TAFA1: variants seen among roughly 807,000 people sequenced by gnomAD.
TAFA1 encodes TAFA chemokine like family member 1, also known as chemokine-like protein TAFA-1.
TAFA1 carries 4 observed loss-of-function variants against 18.5 expected under a neutral mutation model. The observed-to-expected ratio is 0.22, with a 90% confidence interval of 0.11 to 0.49. TAFA1 has a LOEUF of 0.49. Among genes scored for constraint, TAFA1 ranks in the 20% least tolerant of loss-of-function variants. The pLI, the probability that TAFA1 is intolerant of heterozygous loss-of-function variation, is 0.98. For synonymous variants in TAFA1, 56 were observed against 55.2 expected (o/e 1.01, Z -0.06); for missense variants, 147 against 169.0 (o/e 0.87, Z 0.72).
chr3:68,515,107 G>C (rs1348785196), intron 3 of TAFA1, among the ~76,000 whole-genome samples: 1 of 152,172 alleles, frequency 6.6e-6, no homozygotes, highest in African/African-American at 2.4e-5. Context: ...GCTGGGATCA[G>C]CTGGGATGAT....
In TAFA1 at chr3:68,182,547, T is replaced by C. The variant is rs1429930691; in HGVS notation, c.118+175803T>C. On this transcript the variant is annotated intron_variant, in intron 2 of 4. Transcript: ENST00000478136. Reference sequence around the variant, plus strand: ...CAGGTTATTGCTTCAATTGGTACTGTTGTTATTACTAATTTATCTGATCCT... The same window carrying C: ...CAGGTTATTGCTTCAATTGGTACTGCTGTTATTACTAATTTATCTGATCCT... Among the ~76,000 whole-genome samples the C allele has an allele frequency of 2.0e-5, 3 of 152,196 alleles. No individual in the cohort carries two copies. The South Asian group carries it at 6.2e-4, about 31-fold the overall frequency.
intron 2 of TAFA1, among the ~76,000 whole-genome samples, chr3:68,408,847 G>C (rs1487304883): frequency 2.6e-5 from 4 of 152,124 alleles, no homozygotes; most frequent in Non-Finnish European, 5.9e-5. Context: ...ACATATAATG[G>C]GGGTCAAAAG....
rs80344341 is a variant in TAFA1 at position 68,253,848 on chromosome 3, G to A, written c.119-163432G>A. Among the ~76,000 whole-genome samples the A allele has an allele frequency of 5.6e-3, 848 of 152,208 alleles. 42 individuals are homozygous for A. In the East Asian group the frequency reaches 0.11, roughly 20 times the overall value. ...GTTCTGGAGTTGAAACAGGTTTTGT[G>A]CCCCTTCTAATACAGGTTAATGCAG... On this transcript the variant is annotated intron_variant, in intron 2 of 4. Transcript: ENST00000478136.
intron 2 of TAFA1, among the ~76,000 whole-genome samples, chr3:68,063,959 C>T (rs187372789): frequency 6.5e-4 from 99 of 152,228 alleles, no homozygotes; most frequent in Non-Finnish European, 1.2e-3. Flanking sequence ...GATTTCCTAC[C>T]CCCAGGTAGG....
chr3:68,332,242 G>T (rs936522982), intron 2 of TAFA1, among the ~76,000 whole-genome samples: 26 of 151,768 alleles, frequency 1.7e-4, no homozygotes, highest in African/African-American at 6.1e-4. Flanking sequence ...AAAAGAAATT[G>T]GATCCATACA....
chr3:68,052,562 C>G (rs1332823209), intron 2 of TAFA1, among the ~76,000 whole-genome samples: 1 of 152,196 alleles, frequency 6.6e-6, no homozygotes, highest in Admixed American at 6.5e-5. Flanking sequence ...TACACTCTTA[C>G]TTGGCATTTC....
intron 2 of TAFA1, among the ~76,000 whole-genome samples, chr3:68,227,828 A>G (rs2066821702): frequency 6.6e-6 from 1 of 152,180 alleles, no homozygotes; most frequent in South Asian, 2.1e-4. Context: ...TCATTTTATT[A>G]AAATGATTTT....
chr3:68,449,486 T>C (rs1490410791), intron 3 of TAFA1, among the ~76,000 whole-genome samples: 1 of 152,220 alleles, frequency 6.6e-6, no homozygotes, highest in Non-Finnish European at 1.5e-5. Context: ...ACTTATGTTT[T>C]AGAAAGAAAT....
At chr3:68,387,058 T>C (rs2106695613) in intron 2 of TAFA1, among the ~76,000 whole-genome samples, 1 of 151,278 alleles carries the variant, frequency 6.6e-6, no homozygotes, top group South Asian at 2.1e-4. Context: ...TGCCTAATTT[T>C]ATTTTTTTTT....
chr3:68,384,216 G>C (rs185633598), intron 2 of TAFA1, among the ~76,000 whole-genome samples: 516 of 151,998 alleles, frequency 3.4e-3, no homozygotes, highest in Non-Finnish European at 5.5e-3. Context: ...CTTGTCTTCT[G>C]CTAGCTCTGG....
intron 3 of TAFA1, among the ~76,000 whole-genome samples, chr3:68,503,487 T>C (rs1311079879): frequency 1.3e-5 from 2 of 152,076 alleles, no homozygotes; most frequent in Non-Finnish European, 2.9e-5. Context: ...GGTAAATCCA[T>C]AGAGATAGAA....
chr3:68,183,946 C>T (rs999286862), intron 2 of TAFA1, among the ~76,000 whole-genome samples: 1 of 152,166 alleles, frequency 6.6e-6, no homozygotes, highest in Non-Finnish European at 1.5e-5. Flanking sequence ...TAACCTTGGT[C>T]TTCTGTAATG....
chr3:68,200,381 C>T (rs892379292), intron 2 of TAFA1, among the ~76,000 whole-genome samples: 4 of 151,506 alleles, frequency 2.6e-5, no homozygotes, highest in Admixed American at 6.6e-5. Context: ...CAGCTTTTGT[C>T]TTCTAAAAGA....
chr3:68,491,429 T>A (rs1429473330), intron 3 of TAFA1, among the ~76,000 whole-genome samples: 1 of 150,996 alleles, frequency 6.6e-6, no homozygotes, highest in Non-Finnish European at 1.5e-5. Flanking sequence ...CTCAGTAAAC[T>A]ATCGCCAAGA....
intron 3 of TAFA1, among the ~76,000 whole-genome samples, chr3:68,443,995 C>A (rs1326611115): frequency 6.6e-6 from 1 of 152,164 alleles, no homozygotes; most frequent in African/African-American, 2.4e-5. Context: ...AAAGTGAGAT[C>A]CTGCCAGGCA....
intron 2 of TAFA1, among the ~76,000 whole-genome samples, chr3:68,088,193 C>T (rs1475133370): frequency 3.3e-5 from 5 of 152,144 alleles, no homozygotes; most frequent in Non-Finnish European, 7.3e-5. Context: ...ATAATATGTA[C>T]TCACAAAGCA....
At chr3:68,117,902 A>G (rs2065343102) in intron 2 of TAFA1, among the ~76,000 whole-genome samples, 1 of 152,184 alleles carries the variant, frequency 6.6e-6, no homozygotes, top group Non-Finnish European at 1.5e-5. Context: ...ACAGTTCACT[A>G]GTGTTAATTA....
At chr3:68,370,471 T>TATATATATATATATATATATATATAC (rs1559637762) in intron 2 of TAFA1, among the ~76,000 whole-genome samples, 2 of 26,992 alleles carry the variant, frequency 7.4e-5, no homozygotes, top group East Asian at 1.5e-3. Flanking sequence ...TGTGTGTGTG[T>TATATATATATATATATATATATATAC]GTATATATAT....
chr3:68,150,242 GC>G (rs1293957904), intron 2 of TAFA1, among the ~76,000 whole-genome samples: 1 of 152,166 alleles, frequency 6.6e-6, no homozygotes, highest in East Asian at 1.9e-4. Context: ...GACGAATGAA[GC>G]TGGTTTGCAG....
Sources: allele counts gnomAD v4.1 joint callset (sites outside exome capture counted in the v4.1 genomes callset), GRCh38; gene constraint gnomAD v4.1.1; transcripts MANE v1.5; gene names NCBI Gene and HGNC (gene_info 2026-07-23, HGNC 2026-07-21).